The following PREPL variants were observed in gnomAD, a reference collection of about 807,000 sequenced individuals.
The protein encoded by PREPL is prolyl endopeptidase like.
PREPL carries 77 observed loss-of-function variants against 70.6 expected under a neutral mutation model. The observed-to-expected ratio is 1.09, with a 90% CI of 0.91 to 1.32. The LOEUF (loss-of-function observed/expected upper bound fraction) is 1.32. Ranked by LOEUF, PREPL falls within the 40% of genes most tolerant of loss-of-function variation. PREPL has a pLI of 0.00. For missense variants in PREPL, 1,002 were observed against 778.2 expected (o/e 1.29, Z -3.42); for synonymous variants, 315 against 264.8 (o/e 1.19, Z -1.84).
At chr2:44,340,581 T>C (rs1027961081) in intron 5 of PREPL, among the ~76,000 whole-genome samples, 3 of 152,178 alleles carry the variant, frequency 2.0e-5, no homozygotes, top group African/African-American at 7.2e-5. Context: ...TGTGTGTCTA[T>C]TTTAAACTTT....
In PREPL at chr2:44,341,634, G is replaced by T. The variant is rs912338890; in HGVS notation, c.485+783C>A. Among the ~76,000 whole-genome samples, 3 of 151,440 alleles carry T rather than the reference G, an allele frequency of 2.0e-5. No homozygotes were observed. The South Asian group carries it at 6.2e-4, about 31-fold the overall frequency. On this transcript the variant is annotated intron_variant, in intron 5 of 13. Transcript: ENST00000409411. ...TCTAAGAGAATATACGAAATATAAAGAACTAGACATTAATCTTTTTTTCCA... is the reference window on the plus strand; with the variant it reads ...TCTAAGAGAATATACGAAATATAAATAACTAGACATTAATCTTTTTTTCCA...
chr2:44,350,163 CTAAAA>C (rs1558515597), intron 1 of PREPL, among the ~76,000 whole-genome samples: 1 of 151,986 alleles, frequency 6.6e-6, no homozygotes, highest in African/African-American at 2.4e-5. Context: ...CAATCTTATT[CTAAAA>C]TAAAACTTGA....
intron 10 of PREPL, among the ~76,000 whole-genome samples, chr2:44,325,610 A>G (rs1466335956): frequency 1.3e-5 from 2 of 152,134 alleles, no homozygotes; most frequent in African/African-American, 4.8e-5. Context: ...TTAAATTTCT[A>G]AAAGTCAAAA....
rs1180506590 is a variant in PREPL, at chr2:44,321,446, C to A, written c.1828-1G>T. 1.2e-6 allele frequency: 2 copies of A among 1,610,862 alleles called. No individual in the cohort carries two copies. The highest frequency in any genetic ancestry group is 1.7e-6 in the Non-Finnish European group (2 of 1,177,750). On this transcript the variant is annotated splice_acceptor_variant, in intron 13 of 13. Coordinates refer to ENST00000409411, the MANE Select transcript of PREPL (RefSeq NM_001171613.2). LOFTEE classifies it high-confidence loss of function. ...ACAGGAATTTAATTTGGGCTGTAAT[C>A]TAAAAGAAACACATTAAAAAAATTA...
chr2:44,333,061 G>C (rs551953725), intron 7 of PREPL, among the ~76,000 whole-genome samples: 1 of 152,070 alleles, frequency 6.6e-6, no homozygotes, highest in Non-Finnish European at 1.5e-5. Context: ...CCTCACATGC[G>C]TGTGTTTTTC....
At chr2:44,359,450 A>C (rs1677419686) in intron 1 of PREPL, 5 of 1,342,646 alleles carry the variant, frequency 3.7e-6, no homozygotes. Flanking sequence ...TTTAAATTAA[A>C]ATTAATCTTA....
rs758019788 is a variant in PREPL, at chr2:44,338,350, C to T, written c.888+1G>A. 5.6e-6 allele frequency: 9 copies of T among 1,608,360 alleles called. No homozygotes were observed. The Admixed American group carries it at 1.5e-4, about 27-fold the overall frequency. On this transcript the variant is annotated splice_donor_variant, in intron 7 of 13. Transcript: ENST00000409411. LOFTEE classifies it high-confidence loss of function. The stretch of plus-strand genomic sequence containing the variant: ...TATTAACTTCTGAAAATTAAACATA[C>T]CTTTAGAGACCGAACTGAATCATCA...
chr2:44,329,049 G>C lies in PREPL; in HGVS notation c.1150C>G (p.Pro384Ala), dbSNP rs780193886. The C allele has an allele frequency of 1.1e-5, 18 of 1,612,780 alleles. No individual in the cohort carries two copies. In the African/African-American group the frequency reaches 2.3e-4, roughly 20 times the overall value. The change falls in exon 9 of 14, where the codon CCT becomes GCT. Residue 384 changes from proline to alanine, a missense_variant. Transcript: ENST00000409411. ...GCTCCATATACATGTACCAAGAGAGGTTTCTTCTGCAAGTCCTCAGAGTCA... is the reference window on the plus strand; with the variant it reads ...GCTCCATATACATGTACCAAGAGAGCTTTCTTCTGCAAGTCCTCAGAGTCA... ...KTDSEDLQKK[P>A]LLVHVYGAYG...
At chr2:44,358,241 G>C (rs1362372857) in intron 1 of PREPL, among the ~76,000 whole-genome samples, 2 of 152,100 alleles carry the variant, frequency 1.3e-5, no homozygotes, top group African/African-American at 4.8e-5. Flanking sequence ...ATGAAGTTAT[G>C]ATACATGCAT....
intron 8 of PREPL, among the ~76,000 whole-genome samples, chr2:44,329,370 T>A (rs995067857): frequency 6.6e-6 from 1 of 152,206 alleles, no homozygotes; most frequent in African/African-American, 2.4e-5. Flanking sequence ...AAATGCAGCT[T>A]TTCATGACAA....
chr2:44,318,899 T>C lies in PREPL; in HGVS notation c.*2457A>G, dbSNP rs917909740. On this transcript the variant is annotated 3_prime_UTR_variant, in exon 14 of 14. Transcript: ENST00000409411. ...CTACGCATCTAACAGCTTCAAAATATAGAAAATACTCAAATGCAAAATCAA... is the reference window on the plus strand; with the variant it reads ...CTACGCATCTAACAGCTTCAAAATACAGAAAATACTCAAATGCAAAATCAA... The C allele has an allele frequency of 2.6e-5, 4 of 152,136 alleles. No homozygotes were observed. Among genetic ancestry groups the C allele is most frequent in the Non-Finnish European group, 5.9e-5 (4 of 68,010 alleles). 9.4% of individuals were successfully genotyped at this position (152,136 alleles called of 1,614,324 possible).
chr2:44,323,281 T>C lies in PREPL; in HGVS notation c.1610A>G (p.Tyr537Cys), dbSNP rs761490421. 6 of 1,601,484 alleles carry C rather than the reference T, an allele frequency of 3.7e-6. No homozygotes were observed. Among genetic ancestry groups the C allele is most frequent in the Non-Finnish European group, 3.4e-6 (4 of 1,173,536 alleles). Reference protein sequence around the residue: ...HKNYIKRYCPYQNIKPQHYPS... With the variant: ...HKNYIKRYCPCQNIKPQHYPS... ...CACTACCTGAGGTTTAATATTTTGA[T>C]AGGGACAGTAACGTTTTATGTAGTT... Residue 537 changes from tyrosine (Y) to cysteine (C), a missense_variant, in exon 11 of 14, where the codon TAT (tyrosine) becomes TGT (cysteine). Tyr to Cys is a radical substitution (Grantham distance 194). Transcript: ENST00000409411.
intron 7 of PREPL, among the ~76,000 whole-genome samples, chr2:44,338,017 A>G (rs950388814): frequency 2.0e-5 from 3 of 152,218 alleles, no homozygotes; most frequent in Admixed American, 2.0e-4. Flanking sequence ...GGCACTAGCT[A>G]CCAACTTTGG....
intron 1 of PREPL, among the ~76,000 whole-genome samples, chr2:44,356,788 G>A (rs1306965893): frequency 6.8e-6 from 1 of 146,424 alleles, no homozygotes; most frequent in Admixed American, 7.0e-5. Context: ...ACTTTCTACA[G>A]AATGACAAGT....
chr2:44,341,744 A>G (rs535845612), intron 5 of PREPL, among the ~76,000 whole-genome samples: 12 of 144,746 alleles, frequency 8.3e-5, no homozygotes, highest in Non-Finnish European at 1.6e-4. Context: ...AAAGAAAAGT[A>G]AAAAAAAAAC....
intron 5 of PREPL, 44 bp from the exon 6 acceptor site, chr2:44,339,407 T>C (rs1423833133): frequency 5.6e-6 from 9 of 1,601,534 alleles, no homozygotes; most frequent in South Asian, 2.2e-5. Context: ...TTATTTCAGA[T>C]GCATGCTACC....
chr2:44,320,237 T>C lies in PREPL; in HGVS notation c.*1119A>G, dbSNP rs2103641399. On this transcript the variant is annotated 3_prime_UTR_variant, in exon 14 of 14. Transcript: ENST00000409411. ...AGCCCAGATCGGCTTTGAAGTTATATCAAGATTTAAGTCTACTTCATGCCA... is the reference window on the plus strand; with the variant it reads ...AGCCCAGATCGGCTTTGAAGTTATACCAAGATTTAAGTCTACTTCATGCCA... The C allele has an allele frequency of 1.9e-6, 3 of 1,614,030 alleles. No homozygotes were observed. Among genetic ancestry groups the C allele is most frequent in the South Asian group, 2.2e-5 (2 of 91,052 alleles).
chr2:44,332,222 A>C (rs1002387446), intron 8 of PREPL, among the ~76,000 whole-genome samples: 1 of 152,224 alleles, frequency 6.6e-6, no homozygotes, highest in African/African-American at 2.4e-5. Flanking sequence ...CTGGGATTAC[A>C]GGCGTGAGCC....
At position 44,321,917 on chromosome 2, in the gene PREPL, G is replaced by A; in HGVS notation, c.1754-17C>T. Reference sequence around the variant, plus strand: ...TCTGATAGCCTGGAAGAGTTAACATGTAGAACAATTAGAAGATTGTATGGG... The same window carrying A: ...TCTGATAGCCTGGAAGAGTTAACATATAGAACAATTAGAAGATTGTATGGG... On this transcript the variant is annotated splice_polypyrimidine_tract_variant and intron_variant, in intron 12 of 13. Coordinates refer to ENST00000409411, the MANE Select transcript of PREPL (RefSeq NM_001171613.2). 1 of 1,607,622 alleles carries A rather than the reference G, an allele frequency of 6.2e-7. No individual in the cohort carries two copies. The highest frequency in any genetic ancestry group is 8.5e-7 in the Non-Finnish European group (1 of 1,176,308).
Sources: allele counts gnomAD v4.1 joint callset (sites outside exome capture counted in the v4.1 genomes callset), GRCh38; gene constraint gnomAD v4.1.1; transcripts MANE v1.5; gene names NCBI Gene and HGNC (gene_info 2026-07-23, HGNC 2026-07-21).